NOSTRIN: variants seen among roughly 807,000 people sequenced by gnomAD.
NOSTRIN encodes the protein BM247 homolog.
NOSTRIN carries 63 observed loss-of-function variants against 59.0 expected under a neutral mutation model. The ratio of observed to expected loss-of-function variants is 1.07; its 90% CI spans 0.87 to 1.32. The LOEUF is 1.32. NOSTRIN is among the 40% of genes most tolerant of loss of function. The pLI, the probability that NOSTRIN is intolerant of heterozygous loss-of-function variation, is 0.00. For missense variants in NOSTRIN, 512 were observed against 473.1 expected (o/e 1.08, Z -0.76); for synonymous variants, 200 against 165.4 (o/e 1.21, Z -1.61).
intron 15 of NOSTRIN, among the ~76,000 whole-genome samples, chr2:168,862,515 T>C (rs1689527905): frequency 6.7e-6 from 1 of 149,370 alleles, no homozygotes; most frequent in South Asian, 2.1e-4. Flanking sequence ...CATTCAGGAA[T>C]GTGAAGTGAC....
chr2:168,828,223 G>T lies in NOSTRIN; in HGVS notation c.260+3G>T. On this transcript the variant is annotated splice_donor_region_variant and intron_variant, in intron 4 of 15. Transcript: ENST00000317647. Reference sequence around the variant, plus strand: ...AAATCCACAGCGGACCTGCATCAGTGAGTTCTCCCACCCTGGCCTTTCTCC... The same window carrying T: ...AAATCCACAGCGGACCTGCATCAGTTAGTTCTCCCACCCTGGCCTTTCTCC... 3 of 872,942 alleles carry T rather than the reference G, an allele frequency of 3.4e-6. No individual in the cohort carries two copies. Among genetic ancestry groups the T allele is most frequent in the Non-Finnish European group, 6.0e-6 (3 of 501,682 alleles). 54.1% of individuals were successfully genotyped at this position (872,942 alleles called of 1,614,324 possible). A position where few individuals can be genotyped will look rare whatever the true frequency, so the allele number is the denominator to read the frequency against.
intron 12 of NOSTRIN, chr2:168,859,138 A>G (rs1471361872): frequency 1.7e-5 from 3 of 173,162 alleles, no homozygotes; most frequent in African/African-American, 7.1e-5. Flanking sequence ...AATATTTAGC[A>G]CTGATGGCTC....
upstream of NOSTRIN, among the ~76,000 whole-genome samples, chr2:168,801,670 C>T (rs1685617550): frequency 1.3e-5 from 2 of 152,198 alleles, no homozygotes; most frequent in East Asian, 1.9e-4. Context: ...CTGGGGCCTG[C>T]CCTTGCCTGC....
chr2:168,828,074 T>G, intron 3 of NOSTRIN, 84 bp from the exon 4 acceptor site: 1 of 822,472 alleles, frequency 1.2e-6, no homozygotes, highest in Non-Finnish European at 2.2e-6. Context: ...GTGAATCAGA[T>G]GCGATGCTGT....
upstream of NOSTRIN, among the ~76,000 whole-genome samples, chr2:168,798,523 G>T (rs1685538656): frequency 6.6e-6 from 1 of 152,186 alleles, no homozygotes; most frequent in Admixed American, 6.5e-5. Flanking sequence ...CCAGACCCTG[G>T]AAGGGAATCC....
intron 3 of NOSTRIN, among the ~76,000 whole-genome samples, chr2:168,825,348 C>T (rs1687001208): frequency 6.6e-6 from 1 of 152,204 alleles, no homozygotes; most frequent in African/African-American, 2.4e-5. Flanking sequence ...TTTATGACTC[C>T]TAAGGCCACA....
chr2:168,793,985 C>T (rs1685419695), upstream of NOSTRIN, among the ~76,000 whole-genome samples: 1 of 152,228 alleles, frequency 6.6e-6, no homozygotes, highest in South Asian at 2.1e-4. Flanking sequence ...ATTCCCATTA[C>T]ATTTCTGTAA....
intron 15 of NOSTRIN, among the ~76,000 whole-genome samples, chr2:168,864,329 C>G (rs571189186): frequency 3.5e-4 from 52 of 150,092 alleles, no homozygotes; most frequent in Non-Finnish European, 5.6e-4. Flanking sequence ...TGCTGTTGCC[C>G]AGGCTAGAGT....
chr2:168,835,934 C>T (rs1436297890), intron 7 of NOSTRIN, among the ~76,000 whole-genome samples: 1 of 152,172 alleles, frequency 6.6e-6, no homozygotes. Flanking sequence ...GTATGTGTCC[C>T]AGATTGAAAA....
chr2:168,806,074 A>T (rs1685836123), intron 1 of NOSTRIN, among the ~76,000 whole-genome samples: 1 of 152,138 alleles, frequency 6.6e-6, no homozygotes, highest in African/African-American at 2.4e-5. Flanking sequence ...TCCAAATACT[A>T]CGCAGATGGT....
At chr2:168,807,426 G>A (rs1442499849) in intron 1 of NOSTRIN, among the ~76,000 whole-genome samples, 1 of 152,128 alleles carries the variant, frequency 6.6e-6, no homozygotes, top group Non-Finnish European at 1.5e-5. Context: ...GGTTTATGCT[G>A]GGATAATGAA....
Position 168,855,338 on chromosome 2 carries a change from C to CT in NOSTRIN, c.856-8dup, listed in dbSNP as rs1399384105. On this transcript the variant is annotated splice_polypyrimidine_tract_variant and intron_variant, in intron 10 of 15. Coordinates refer to ENST00000317647, the MANE Select transcript of NOSTRIN (RefSeq NM_001039724.4). ...TTCTTCCCCCTTGTTAGACATCCTT[C>CT]TTTTTTCCTAAAGGAAGAAGATCCT... 2 of 1,436,298 alleles carry CT rather than the reference C, an allele frequency of 1.4e-6. No individual in the cohort carries two copies. Among genetic ancestry groups the CT allele is most frequent in the African/African-American group, 1.4e-5 (1 of 69,834 alleles). The allele number at this position is 1,436,298 out of a possible 1,614,324, so 89.0% of individuals were successfully genotyped here. A position where few individuals can be genotyped will look rare whatever the true frequency, so the allele number is the denominator to read the frequency against.
intron 2 of NOSTRIN, among the ~76,000 whole-genome samples, chr2:168,819,843 G>A (rs141466190): frequency 2.6e-5 from 4 of 152,320 alleles, no homozygotes; most frequent in African/African-American, 7.2e-5. Context: ...CAGAGGGCTA[G>A]CTCGGTGACA....
Position 168,851,399 on chromosome 2 carries a change from T to G in NOSTRIN, c.850T>G (p.Tyr284Asp). 1 of 1,608,792 alleles carries G rather than the reference T, an allele frequency of 6.2e-7. No individual in the cohort carries two copies. The highest frequency in any genetic ancestry group is 8.5e-7 in the Non-Finnish European group (1 of 1,178,718). ...CAAATCTGAGTTCCTGTTAACGGATTACTTTGTGAGTATGAAATGGAAAAA... is the reference window on the plus strand; with the variant it reads ...CAAATCTGAGTTCCTGTTAACGGATGACTTTGTGAGTATGAAATGGAAAAA... Reference protein sequence around the residue: ...ENKSEFLLTDYFEEDPNSAMD... With the variant: ...ENKSEFLLTDDFEEDPNSAMD... Residue 284 changes from tyrosine to aspartate, a missense_variant, in exon 10 of 16, where the codon TAC becomes GAC. Transcript: ENST00000317647.
intron 7 of NOSTRIN, among the ~76,000 whole-genome samples, chr2:168,838,810 G>A (rs547383057): frequency 1.6e-3 from 215 of 137,642 alleles, no homozygotes; most frequent in Non-Finnish European, 1.1e-3. Flanking sequence ...TTTTTGAGAC[G>A]GAGTTTTGCT....
At chr2:168,796,795 C>T (rs1685489529), upstream of NOSTRIN, among the ~76,000 whole-genome samples, 1 of 152,078 alleles carries the variant, frequency 6.6e-6, no homozygotes, top group Non-Finnish European at 1.5e-5. Flanking sequence ...TTTTAGAGTT[C>T]CTGCCCAGAA....
At chr2:168,843,836 T>A (rs1422569129) in intron 8 of NOSTRIN, among the ~76,000 whole-genome samples, 1 of 152,236 alleles carries the variant, frequency 6.6e-6, no homozygotes, top group Non-Finnish European at 1.5e-5. Flanking sequence ...AGTTCCCTTT[T>A]TAGGCATATA....
chr2:168,793,784 GTCC>G (rs1235634648), upstream of NOSTRIN, among the ~76,000 whole-genome samples: 5 of 152,068 alleles, frequency 3.3e-5, no homozygotes, highest in African/African-American at 1.2e-4. Flanking sequence ...GAACTATAAG[GTCC>G]CATGCAAACT....
intron 5 of NOSTRIN, among the ~76,000 whole-genome samples, chr2:168,829,304 C>CT (rs1310170804): frequency 7.6e-5 from 10 of 131,354 alleles, no homozygotes; most frequent in South Asian, 2.9e-4. Context: ...CCTTCTCTTT[C>CT]TTTTTTTTTC....
Sources: allele counts gnomAD v4.1 joint callset (sites outside exome capture counted in the v4.1 genomes callset), GRCh38; gene constraint gnomAD v4.1.1; transcripts MANE v1.5; gene names NCBI Gene and HGNC (gene_info 2026-07-23, HGNC 2026-07-21).